KIF23: variants seen among roughly 807,000 people sequenced by gnomAD.
KIF23 encodes kinesin-like protein KIF23.
Under a neutral mutation model 137.5 loss-of-function variants are expected in KIF23, and 30 were observed. That is an observed-to-expected ratio of 0.22 (90% CI 0.16 to 0.30). KIF23 has a LOEUF of 0.30. Among genes scored for constraint, KIF23 ranks in the 10% least tolerant of loss-of-function variants. The pLI, the probability that KIF23 is intolerant of heterozygous loss-of-function variation, is 1.00. For missense variants in KIF23, 920 were observed against 1,194.3 expected (o/e 0.77, Z 3.38); for synonymous variants, 367 against 391.1 (o/e 0.94, Z 0.73).
At chr15:69,417,104 C>G (rs1431550763) in intron 2 of KIF23, among the ~76,000 whole-genome samples, 3 of 152,022 alleles carry the variant, frequency 2.0e-5, no homozygotes, top group Admixed American at 6.6e-5. Flanking sequence ...AGTAGTATAA[C>G]TATTATTTGT....
rs775111651 is a variant in KIF23, at chr15:69,440,754, T to TC, written c.2110-12dup. 2 of 1,574,530 alleles carry TC rather than the reference T, an allele frequency of 1.3e-6. No homozygotes were observed. The highest frequency in any genetic ancestry group is 2.3e-5 in the South Asian group (2 of 86,482). ...TTTCAGTCTTGCTCATTAATTTTTC[T>TC]CCAATTTTTCTAGCTTTCTAGTAAC... On this transcript the variant is annotated splice_polypyrimidine_tract_variant and intron_variant, in intron 18 of 23. Coordinates refer to ENST00000679126, the MANE Select transcript of KIF23 (RefSeq NM_001367805.3).
At chr15:69,415,923 T>G in intron 1 of KIF23, 71 bp from the exon 2 acceptor site, 1 of 1,112,670 alleles carries the variant, frequency 9.0e-7, no homozygotes, top group Admixed American at 3.2e-5. Flanking sequence ...ATTGTATAAG[T>G]TTTAGGTGAG....
intron 19 of KIF23, among the ~76,000 whole-genome samples, chr15:69,442,247 A>G (rs16953330): frequency 0.039 from 5,940 of 152,168 alleles, 200 homozygotes; most frequent in East Asian, 0.12. Flanking sequence ...TGCCCAATAA[A>G]TTGCTTTTAA....
chr15:69,435,828 C>T (rs775356444), intron 13 of KIF23, 57 bp downstream of exon 13: 2 of 1,571,622 alleles, frequency 1.3e-6, no homozygotes, highest in South Asian at 1.2e-5. Context: ...AAAACAGTTA[C>T]TTGGATGAGC....
chr15:69,439,525 T>C (rs1305224503), intron 16 of KIF23, among the ~76,000 whole-genome samples: 1 of 152,224 alleles, frequency 6.6e-6, no homozygotes, highest in African/African-American at 2.4e-5. Flanking sequence ...GTGTAATGTA[T>C]GTCTGTTCTC....
intron 9 of KIF23, 21 bp from the exon 10 acceptor site, chr15:69,426,315 A>G (rs1191848755): frequency 6.2e-6 from 10 of 1,612,874 alleles, no homozygotes; most frequent in East Asian, 4.5e-5. Flanking sequence ...GGTTTGACCA[A>G]TGATTTCTCT....
At chr15:69,426,824 A>G (rs1360157336) in intron 10 of KIF23, among the ~76,000 whole-genome samples, 1 of 152,240 alleles carries the variant, frequency 6.6e-6, no homozygotes, top group African/African-American at 2.4e-5. Context: ...TATAGATTCA[A>G]CCAACTGTGG....
intron 11 of KIF23, chr15:69,434,772 T>G: frequency 2.0e-5 from 23 of 1,130,094 alleles, no homozygotes; most frequent in Non-Finnish European, 2.9e-5. Flanking sequence ...CATAAAGCTC[T>G]TGGCCAGAGT....
chr15:69,437,738 C>T lies in KIF23; in HGVS notation c.1598-510C>T, dbSNP rs139185128. 2.6e-3 allele frequency among the ~76,000 whole-genome samples: 392 copies of T among 152,194 alleles called. 2 individuals are homozygous for T. Among genetic ancestry groups the T allele is most frequent in the African/African-American group, 7.1e-3 (295 of 41,538 alleles). ...CCTCCCAACATGCTGGGATTACAGA[C>T]GTGAGCCACCATGCCTGGCTCTACT... On this transcript the variant is annotated intron_variant, in intron 15 of 23. Coordinates refer to ENST00000679126, the MANE Select transcript of KIF23 (RefSeq NM_001367805.3).
intron 8 of KIF23, 109 bp downstream of exon 8, chr15:69,425,432 G>T (rs571702886): frequency 1.3e-5 from 12 of 958,060 alleles, no homozygotes; most frequent in African/African-American, 3.2e-5. Flanking sequence ...CACTGGGCTG[G>T]CTGCTGTCTC....
At chr15:69,447,048 T>C (rs1225019725) in intron 23 of KIF23, 107 bp downstream of exon 23, 11 of 1,122,104 alleles carry the variant, frequency 9.8e-6, no homozygotes, top group Non-Finnish European at 1.5e-5. Context: ...AGAAGAAATA[T>C]ATGGTTTTGG....
intron 16 of KIF23, among the ~76,000 whole-genome samples, chr15:69,439,578 T>G (rs1239063010): frequency 6.6e-6 from 1 of 152,200 alleles, no homozygotes; most frequent in Non-Finnish European, 1.5e-5. Flanking sequence ...GGGGTACACA[T>G]TCATAAGAGA....
intron 2 of KIF23, 134 bp from the exon 3 acceptor site, chr15:69,417,249 T>C: frequency 1.4e-6 from 1 of 725,184 alleles, no homozygotes; most frequent in Admixed American, 3.3e-5. Flanking sequence ...TTAATTTTCT[T>C]AGCCCTTGGA....
chr15:69,431,613 CAAAAAA>C (rs58235050), intron 11 of KIF23, among the ~76,000 whole-genome samples: 1 of 136,892 alleles, frequency 7.3e-6, no homozygotes, highest in Non-Finnish European at 1.6e-5. Context: ...GACTCCGTCT[CAAAAAA>C]AAAAAAAAGA....
intron 11 of KIF23, among the ~76,000 whole-genome samples, chr15:69,434,067 C>T (rs984372279): frequency 1.3e-4 from 20 of 152,280 alleles, no homozygotes; most frequent in Admixed American, 5.2e-4. Flanking sequence ...ACAAATGCTT[C>T]CTGATGATGA....
chr15:69,423,624 G>A lies in KIF23; in HGVS notation c.734+295G>A, dbSNP rs533265054. Among the ~76,000 whole-genome samples, 35 of 152,196 alleles carry A rather than the reference G, an allele frequency of 2.3e-4. 1 individual carries two copies. Among genetic ancestry groups the A allele is most frequent in the African/African-American group, 7.2e-4 (30 of 41,530 alleles). Reference sequence around the variant, plus strand: ...GGGCCCTGGGCTATGTTTTGAGAAGGATCTTAATTATATAATTAAGAACGT... The same window carrying A: ...GGGCCCTGGGCTATGTTTTGAGAAGAATCTTAATTATATAATTAAGAACGT... On this transcript the variant is annotated intron_variant, in intron 7 of 23. Coordinates refer to ENST00000679126, the MANE Select transcript of KIF23 (RefSeq NM_001367805.3).
intron 15 of KIF23, among the ~76,000 whole-genome samples, chr15:69,437,213 A>T (rs2057504047): frequency 6.6e-6 from 1 of 152,182 alleles, no homozygotes; most frequent in Non-Finnish European, 1.5e-5. Flanking sequence ...ATTTTTCCAC[A>T]GCTCTTTTTT....
rs1222298448 is a variant in KIF23, at chr15:69,425,234, G to T, written c.735-48G>T. 2.1e-6 allele frequency: 3 copies of T among 1,453,776 alleles called. No individual in the cohort carries two copies. The African/African-American group carries it at 4.2e-5, about 20-fold the overall frequency. 90.1% of individuals were successfully genotyped at this position (1,453,776 alleles called of 1,614,324 possible). ...TAGTCTGGACTGAACATGTTGGTGT[G>T]AGATGGCTGCTGTAGAAACAGTAAC... On this transcript the variant is annotated intron_variant, in intron 7 of 23. Transcript: ENST00000679126.
At chr15:69,447,714 G>A in intron 23 of KIF23, 78 bp from the exon 24 acceptor site, 1 of 1,379,268 alleles carries the variant, frequency 7.3e-7, no homozygotes. Flanking sequence ...GTTCTCAAAG[G>A]CCTCCTAAAG....
Sources: gnomAD v4.1 joint callset for allele counts (sites outside exome capture counted in the v4.1 genomes callset) on GRCh38, gnomAD v4.1.1 for gene constraint, MANE v1.5 for transcripts, NCBI Gene and HGNC (gene_info 2026-07-23, HGNC 2026-07-21) for gene names.